KANK1: variants seen among roughly 807,000 people sequenced by gnomAD.
KANK1 encodes the protein KN motif and ankyrin repeat domain-containing protein 1.
A neutral mutation model predicts 106.2 loss-of-function variants in KANK1; 109 were observed. The observed-to-expected ratio is 1.03, with a 90% CI of 0.88 to 1.20. The LOEUF (loss-of-function observed/expected upper bound fraction) is 1.20. Ranked by LOEUF, KANK1 falls within the 50% of genes most tolerant of loss-of-function variation. KANK1 has a pLI of 0.00. For synonymous variants in KANK1, 873 were observed against 652.2 expected (o/e 1.34, Z -5.16); for missense variants, 2,399 against 1,710.7 (o/e 1.40, Z -7.10).
chr9:477,087 C>A (rs2058117941), intron 3 of KANK1, among the ~76,000 whole-genome samples: 1 of 152,160 alleles, frequency 6.6e-6, no homozygotes, highest in Non-Finnish European at 1.5e-5. Flanking sequence ...ACTTTCATTA[C>A]CCCAGTTGGC....
chr9:662,848 G>T (rs1279808277), intron 1 of KANK1, among the ~76,000 whole-genome samples: 1 of 152,080 alleles, frequency 6.6e-6, no homozygotes, highest in Non-Finnish European at 1.5e-5. Flanking sequence ...TTTTAGTAGA[G>T]ATGGGGTTTC....
At chr9:556,831 ACT>A (rs1345451667) in intron 1 of KANK1, among the ~76,000 whole-genome samples, 1 of 151,986 alleles carries the variant, frequency 6.6e-6, no homozygotes, top group Non-Finnish European at 1.5e-5. Context: ...CTTGTTACAG[ACT>A]CACTTAGGGC....
rs116012548 is a variant in KANK1 at position 577,853 on chromosome 9, A to G, written c.-84+73099A>G. Among the ~76,000 whole-genome samples the G allele has an allele frequency of 3.4e-3, 515 of 152,320 alleles. 1 individual carries two copies. Among genetic ancestry groups the G allele is most frequent in the African/African-American group, 0.012 (485 of 41,562 alleles). On this transcript the variant is annotated intron_variant, in intron 1 of 11. Transcript: ENST00000382297. ...ATTTTAAAATTGTACTTTTTATTAT[A>G]ATTTTCTGGGAAAGTAAAGCTGTTT...
intron 1 of KANK1, among the ~76,000 whole-genome samples, chr9:510,334 G>T (rs898490090): frequency 3.9e-5 from 6 of 152,120 alleles, no homozygotes; most frequent in African/African-American, 1.4e-4. Flanking sequence ...ATATAAGAAG[G>T]ATCATACCAT....
At chr9:706,895 C>T (rs1824374936) in intron 2 of KANK1, 3 of 985,462 alleles carry the variant, frequency 3.0e-6, no homozygotes, top group Non-Finnish European at 3.6e-6. Flanking sequence ...ATAGGAAAAA[C>T]AGAGCCTCTC....
At chr9:735,593 A>T (rs1833578098) in intron 7 of KANK1, 1 of 192,928 alleles carries the variant, frequency 5.2e-6, no homozygotes, top group Non-Finnish European at 1.2e-5. Context: ...GGATACCGAA[A>T]TGCACAGATA....
At chr9:561,201 A>G (rs1484260341) in intron 1 of KANK1, among the ~76,000 whole-genome samples, 1 of 152,202 alleles carries the variant, frequency 6.6e-6, no homozygotes, top group Non-Finnish European at 1.5e-5. Context: ...CAGGATTGGA[A>G]TTTATGGGTA....
At chr9:553,698 T>C (rs1279892875) in intron 1 of KANK1, among the ~76,000 whole-genome samples, 1 of 152,208 alleles carries the variant, frequency 6.6e-6, no homozygotes, top group Admixed American at 6.5e-5. Context: ...AAGCCAATTG[T>C]TCAGTTTCAT....
chr9:535,422 G>C (rs2133673381), intron 1 of KANK1, among the ~76,000 whole-genome samples: 1 of 152,302 alleles, frequency 6.6e-6, no homozygotes, highest in South Asian at 2.1e-4. Flanking sequence ...TCCAGATAGA[G>C]AAATAGCTCA....
chr9:639,150 G>C (rs1837814820), intron 1 of KANK1, among the ~76,000 whole-genome samples: 2 of 152,096 alleles, frequency 1.3e-5, no homozygotes, highest in South Asian at 4.2e-4. Flanking sequence ...GCTTCAACAG[G>C]TCTCTTCAAA....
chr9:711,721 G>C lies in KANK1; in HGVS notation c.955G>C (p.Val319Leu). 1 of 1,614,240 alleles carries C rather than the reference G, an allele frequency of 6.2e-7. No homozygotes were observed. Among genetic ancestry groups the C allele is most frequent in the Non-Finnish European group, 8.5e-7 (1 of 1,180,040 alleles). Residue 319 changes from valine to leucine, a missense_variant, in exon 3 of 12, where the codon GTG (valine) becomes CTG (leucine). Transcript: ENST00000382297. ...RAASQINVCG[V>L]RKRSYSAGNA... ...TGCATCCCAGATCAATGTCTGTGGT[G>C]TGAGGAAGCGGTCCTATAGTGCGGG...
At chr9:685,290 G>A (rs750188184) in intron 2 of KANK1, among the ~76,000 whole-genome samples, 2 of 152,150 alleles carry the variant, frequency 1.3e-5, no homozygotes, top group Non-Finnish European at 2.9e-5. Flanking sequence ...TTAAAAATAA[G>A]TACGCTGCTA....
At chr9:564,118 G>A (rs1817205869) in intron 1 of KANK1, among the ~76,000 whole-genome samples, 1 of 150,582 alleles carries the variant, frequency 6.6e-6, no homozygotes, top group African/African-American at 2.5e-5. Flanking sequence ...GGAGTGCGGT[G>A]GCGCAATCTC....
chr9:544,900 G>A (rs183976482), intron 1 of KANK1, among the ~76,000 whole-genome samples: 1 of 152,246 alleles, frequency 6.6e-6, no homozygotes, highest in Admixed American at 6.5e-5. Context: ...GAAATCACTG[G>A]CAAGTTTTAA....
chr9:644,074 T>C (rs991775369), intron 1 of KANK1, among the ~76,000 whole-genome samples: 4 of 150,952 alleles, frequency 2.6e-5, no homozygotes, highest in African/African-American at 7.5e-5. Context: ...GCATGATTTG[T>C]TCTTACCAAT....
At chr9:682,001 T>C (rs757672855) in intron 2 of KANK1, among the ~76,000 whole-genome samples, 2 of 152,190 alleles carry the variant, frequency 1.3e-5, no homozygotes, top group Non-Finnish European at 2.9e-5. Flanking sequence ...TTATTTAGGC[T>C]GGGCACGGTG....
rs575504329 is a variant in KANK1, at chr9:697,365, G to C, written c.38-13439G>C. ...GTTATTTGTCAGCTTTCTCATCATA[G>C]AGTCACCATTTTTTTTTATGATTGA... On this transcript the variant is annotated intron_variant, in intron 2 of 11. Transcript: ENST00000382297. Among the ~76,000 whole-genome samples, 29 of 152,186 alleles carry C rather than the reference G, an allele frequency of 1.9e-4. No homozygotes were observed. In the South Asian group the frequency reaches 6.0e-3, roughly 32 times the overall value.
At chr9:650,810 T>C (rs1296793462) in intron 1 of KANK1, among the ~76,000 whole-genome samples, 1 of 152,068 alleles carries the variant, frequency 6.6e-6, no homozygotes, top group African/African-American at 2.4e-5. Context: ...AATGTTGCAG[T>C]CCATGGATTT....
intron 1 of KANK1, among the ~76,000 whole-genome samples, chr9:653,333 G>A (rs1226880279): frequency 6.6e-6 from 1 of 152,036 alleles, no homozygotes; most frequent in Non-Finnish European, 1.5e-5. Flanking sequence ...TACTTTGCTT[G>A]TCTCCAAGCT....
Sources: allele counts gnomAD v4.1 joint callset (sites outside exome capture counted in the v4.1 genomes callset), GRCh38; gene constraint gnomAD v4.1.1; transcripts MANE v1.5; gene names NCBI Gene and HGNC (gene_info 2026-07-23, HGNC 2026-07-21).